CCDC18: variants seen among roughly 807,000 people sequenced by gnomAD.
The protein encoded by CCDC18 is coiled-coil domain containing 18.
CCDC18 carries 157 observed loss-of-function variants against 196.0 expected under a neutral mutation model. The ratio of observed to expected loss-of-function variants is 0.80; its 90% CI spans 0.70 to 0.91. The LOEUF (loss-of-function observed/expected upper bound fraction) is 0.91, where lower values mean the gene tolerates loss of function less well. Ranked by LOEUF, CCDC18 falls within the 40% of genes least tolerant of loss-of-function variation. The pLI, the probability that CCDC18 is intolerant of heterozygous loss-of-function variation, is 0.00. For synonymous variants in CCDC18, 482 were observed against 529.2 expected (o/e 0.91, Z 1.22); for missense variants, 1,465 against 1,611.6 (o/e 0.91, Z 1.56).
intron 14 of CCDC18, among the ~76,000 whole-genome samples, chr1:93,219,488 A>C (rs1657063140): frequency 6.6e-6 from 1 of 152,204 alleles, no homozygotes; most frequent in Non-Finnish European, 1.5e-5. Flanking sequence ...CCTTGAACAC[A>C]AGCACTGTGA....
At chr1:93,184,390 A>G (rs567470669) in intron 3 of CCDC18, among the ~76,000 whole-genome samples, 15 of 151,906 alleles carry the variant, frequency 9.9e-5, no homozygotes, top group Non-Finnish European at 2.2e-4. Flanking sequence ...TTACATATTT[A>G]TTACCTTTTT....
chr1:93,235,719 T>C (rs1439331243), intron 18 of CCDC18, among the ~76,000 whole-genome samples: 1 of 152,088 alleles, frequency 6.6e-6, no homozygotes, highest in Admixed American at 6.5e-5. Context: ...GATAGTAGTA[T>C]GAAGTTCCTG....
chr1:93,218,866 G>C (rs769654158), intron 14 of CCDC18, among the ~76,000 whole-genome samples: 6 of 152,166 alleles, frequency 3.9e-5, no homozygotes, highest in Non-Finnish European at 8.8e-5. Flanking sequence ...GAACAGCCTA[G>C]TTTCGCTGCA....
At chr1:93,213,409 CTT>C (rs75496996) in intron 11 of CCDC18, among the ~76,000 whole-genome samples, 156 of 147,100 alleles carry the variant, frequency 1.1e-3, no homozygotes, top group African/African-American at 3.7e-3. Flanking sequence ...AATTTTCTCT[CTT>C]TTTTTTTTTT....
At position 93,236,326 on chromosome 1, in the gene CCDC18, G is replaced by C; in HGVS notation, c.2539G>C (p.Glu847Gln). ...EKLRKMEEKCESAAHEADLKR... is the reference protein window; with the variant it reads ...EKLRKMEEKCQSAAHEADLKR... ...GTTGAGAAAAATGGAGGAGAAATGT[G>C]AATCAGCTGCACATGAAGCAGATTT... Residue 847 changes from glutamate (E) to glutamine (Q), a missense_variant, in exon 19 of 29, where the codon GAA becomes CAA. Physicochemically the swap from Glu to Gln is conservative, Grantham distance 29. Transcript: ENST00000690025. 1 of 1,577,262 alleles carries C rather than the reference G, an allele frequency of 6.3e-7. No homozygotes were observed. Among genetic ancestry groups the C allele is most frequent in the Non-Finnish European group, 8.6e-7 (1 of 1,168,278 alleles).
chr1:93,233,114 T>G (rs188684558), intron 18 of CCDC18, among the ~76,000 whole-genome samples: 1 of 152,364 alleles, frequency 6.6e-6, no homozygotes, highest in Admixed American at 6.5e-5. Flanking sequence ...TTCCATACAA[T>G]TTATAATTCA....
At chr1:93,191,041 G>GT in intron 4 of CCDC18, 2 of 885,142 alleles carry the variant, frequency 2.3e-6, no homozygotes, top group Non-Finnish European at 3.7e-6. Flanking sequence ...AGTCCTGCAG[G>GT]TTTTAGGAAT....
At chr1:93,185,883 A>C (rs1307613542) in intron 3 of CCDC18, among the ~76,000 whole-genome samples, 2 of 151,820 alleles carry the variant, frequency 1.3e-5, no homozygotes, top group Non-Finnish European at 2.9e-5. Flanking sequence ...AATATATATA[A>C]AAAGAATATA....
intron 7 of CCDC18, among the ~76,000 whole-genome samples, chr1:93,204,254 AT>A (rs1396741914): frequency 6.6e-6 from 1 of 152,258 alleles, no homozygotes; most frequent in African/African-American, 2.4e-5. Context: ...TTTTAATGAA[AT>A]AGGACATTTC....
intron 16 of CCDC18, among the ~76,000 whole-genome samples, chr1:93,226,061 G>T (rs1658235496): frequency 6.6e-6 from 1 of 152,074 alleles, no homozygotes. Context: ...TTGCTTCTGA[G>T]CATACTCCCT....
chr1:93,226,706 G>A (rs1192316462), intron 17 of CCDC18, among the ~76,000 whole-genome samples: 6 of 151,708 alleles, frequency 4.0e-5, no homozygotes, highest in Admixed American at 3.9e-4. Context: ...GCTAATTTTT[G>A]TATTTTTAGT....
intron 14 of CCDC18, among the ~76,000 whole-genome samples, chr1:93,219,394 C>T (rs1657045448): frequency 6.6e-6 from 1 of 152,122 alleles, no homozygotes; most frequent in Admixed American, 6.5e-5. Context: ...TATGTCTTCT[C>T]TTTGACATAT....
At chr1:93,216,875 T>C (rs1656561603) in intron 13 of CCDC18, 129 bp downstream of exon 13, 2 of 526,688 alleles carry the variant, frequency 3.8e-6, no homozygotes, top group South Asian at 5.3e-5. Context: ...ACTCTTCTGA[T>C]CATTTCTTGT....
chr1:93,238,856 C>G (rs1660396103), intron 19 of CCDC18, among the ~76,000 whole-genome samples: 1 of 152,054 alleles, frequency 6.6e-6, no homozygotes, highest in Non-Finnish European at 1.5e-5. Context: ...TCTCTAGTTC[C>G]TTTTAAAGCT....
intron 26 of CCDC18, among the ~76,000 whole-genome samples, chr1:93,259,860 A>G: frequency 6.6e-6 from 1 of 152,180 alleles, no homozygotes; most frequent in Non-Finnish European, 1.5e-5. Context: ...TACTCATTAC[A>G]CTTTCATTAT....
chr1:93,200,513 A>G (rs1260101618), intron 6 of CCDC18, among the ~76,000 whole-genome samples: 1 of 152,170 alleles, frequency 6.6e-6, no homozygotes, highest in East Asian at 1.9e-4. Flanking sequence ...CTTAGAATAG[A>G]TGAACTGTGA....
intron 6 of CCDC18, among the ~76,000 whole-genome samples, chr1:93,200,584 G>A (rs1653659692): frequency 6.6e-6 from 1 of 152,166 alleles, no homozygotes; most frequent in African/African-American, 2.4e-5. Context: ...ACCAAAATCA[G>A]GATAGGGTTA....
rs1397763918 is a variant in CCDC18 at position 93,222,041 on chromosome 1, C to T, written c.2175+105C>T. 4.3e-6 allele frequency: 3 copies of T among 694,480 alleles called. No individual in the cohort carries two copies. In the African/African-American group the frequency reaches 5.7e-5, roughly 13 times the overall value. 43.0% of individuals were successfully genotyped at this position (694,480 alleles called of 1,614,324 possible). On this transcript the variant is annotated intron_variant, in intron 16 of 28. Transcript: ENST00000690025. ...CTGGAGTGCAGTGGCATGATGATAA[C>T]TCACTGCAACCTTGAACTCCTGAGC...
At chr1:93,220,592 G>A (rs1328567304) in intron 14 of CCDC18, among the ~76,000 whole-genome samples, 1 of 152,136 alleles carries the variant, frequency 6.6e-6, no homozygotes, top group Non-Finnish European at 1.5e-5. Context: ...GGGTAAAGGG[G>A]TCTATATTCT....
Sources: gnomAD v4.1 joint callset for allele counts (sites outside exome capture counted in the v4.1 genomes callset) on GRCh38, gnomAD v4.1.1 for gene constraint, MANE v1.5 for transcripts, NCBI Gene and HGNC (gene_info 2026-07-23, HGNC 2026-07-21) for gene names.